FAM13A: variants seen among roughly 807,000 people sequenced by gnomAD.
The protein encoded by FAM13A is family with sequence similarity 13 member A.
A neutral mutation model predicts 129.6 loss-of-function variants in FAM13A; 76 were observed. The observed-to-expected ratio is 0.59, with a 90% CI of 0.49 to 0.71. The LOEUF is 0.71. Among genes scored for constraint, FAM13A ranks in the 30% least tolerant of loss-of-function variants. The pLI, the probability that FAM13A is intolerant of heterozygous loss-of-function variation, is 0.00. For synonymous variants in FAM13A, 443 were observed against 449.9 expected (o/e 0.98, Z 0.20); for missense variants, 1,108 against 1,249.3 (o/e 0.89, Z 1.70).
chr4:88,818,952 T>C lies in FAM13A; in HGVS notation c.1008-13900A>G, dbSNP rs139455420. ...CATCCCCATGTTATCAACGTTTACG[T>C]TGGCAAAAGGATATTCTAAAGAGCG... On this transcript the variant is annotated intron_variant, in intron 7 of 23. Coordinates refer to ENST00000264344, the MANE Select transcript of FAM13A (RefSeq NM_014883.4). 2.6e-3 allele frequency among the ~76,000 whole-genome samples: 402 copies of C among 152,314 alleles called. 2 individuals carry two copies. The highest frequency in any genetic ancestry group is 5.3e-3 in the Admixed American group (81 of 15,292).
At chr4:89,037,456 A>T (rs1035106627) in intron 1 of FAM13A, among the ~76,000 whole-genome samples, 5 of 151,946 alleles carry the variant, frequency 3.3e-5, no homozygotes, top group African/African-American at 4.8e-5. Context: ...TCTTGGAAGA[A>T]ACTAACTTGG....
In FAM13A at chr4:88,731,359, A is replaced by G. The variant is rs1183045247; in HGVS notation, c.2913T>C (p.Asp971=). The G allele has an allele frequency of 6.2e-7, 1 of 1,609,152 alleles. No homozygotes were observed. The highest frequency in any genetic ancestry group is 8.5e-7 in the Non-Finnish European group (1 of 1,179,542). Residue 971 remains aspartate, a synonymous_variant, in exon 23 of 24, where the codon GAT becomes GAC. Coordinates refer to ENST00000264344, the MANE Select transcript of FAM13A (RefSeq NM_014883.4). ...EKKRIRKKLR[D]FEDNFFRQNG... The stretch of plus-strand genomic sequence containing the variant: ...TCTGTCTGAAAAAGTTGTCTTCAAA[A>G]TCCCGAAGTTTCTTTCGAATCCTTT...
chr4:88,963,275 A>G, intron 4 of FAM13A, among the ~76,000 whole-genome samples: 1 of 151,580 alleles, frequency 6.6e-6, no homozygotes, highest in African/African-American at 2.4e-5. Context: ...CCAAAGAGAG[A>G]TTACTAAGAG....
At chr4:89,035,203 G>C (rs1303924677) in intron 1 of FAM13A, among the ~76,000 whole-genome samples, 1 of 152,006 alleles carries the variant, frequency 6.6e-6, no homozygotes, top group East Asian at 1.9e-4. Flanking sequence ...GAGAGGGAGA[G>C]GGAAAAGGGC....
At chr4:88,928,620 C>T (rs770528782) in intron 5 of FAM13A, among the ~76,000 whole-genome samples, 35 of 151,932 alleles carry the variant, frequency 2.3e-4, no homozygotes, top group Non-Finnish European at 4.4e-4. Flanking sequence ...ATAGCTACTC[C>T]TGCTTGGTTT....
intron 7 of FAM13A, among the ~76,000 whole-genome samples, chr4:88,847,228 G>C (rs1736789628): frequency 6.6e-6 from 1 of 152,132 alleles, no homozygotes; most frequent in African/African-American, 2.4e-5. Flanking sequence ...TTAGAAACTA[G>C]AAAGTTGGGC....
chr4:88,750,012 G>C (rs188972476), intron 15 of FAM13A, 103 bp from the exon 16 acceptor site: 143 of 1,252,030 alleles, frequency 1.1e-4, no homozygotes, highest in Non-Finnish European at 1.6e-4. Flanking sequence ...GTGGTGGGGT[G>C]GGGGCAGTGC....
At chr4:88,823,164 C>T in intron 7 of FAM13A, 1 of 1,485,572 alleles carries the variant, frequency 6.7e-7, no homozygotes, top group African/African-American at 1.4e-5. Context: ...GTTGGCCAGT[C>T]TACTGCTGCT....
Position 88,804,167 on chromosome 4 carries a change from T to C in FAM13A, c.1049+844A>G, listed in dbSNP as rs1418834051. 2.0e-5 allele frequency among the ~76,000 whole-genome samples: 3 copies of C among 152,136 alleles called. No individual in the cohort carries two copies. The East Asian group carries it at 5.8e-4, about 29-fold the overall frequency. ...TACTCGGGAGGCTGAGGCAGAGAATTGCTTAAACCCGGGAGGCGGAGGTTG... is the reference window on the plus strand; with the variant it reads ...TACTCGGGAGGCTGAGGCAGAGAATCGCTTAAACCCGGGAGGCGGAGGTTG... On this transcript the variant is annotated intron_variant, in intron 8 of 23. Transcript: ENST00000264344.
chr4:88,948,346 T>C (rs1756300369), intron 4 of FAM13A, among the ~76,000 whole-genome samples: 1 of 152,066 alleles, frequency 6.6e-6, no homozygotes, highest in African/African-American at 2.4e-5. Flanking sequence ...CTTATGAAGA[T>C]CAAATTCTTA....
intron 1 of FAM13A, among the ~76,000 whole-genome samples, chr4:89,048,455 C>T (rs571497964): frequency 9.2e-5 from 14 of 151,972 alleles, no homozygotes; most frequent in African/African-American, 3.4e-4. Flanking sequence ...AGTGGTTGTC[C>T]TGTGGGGGTG....
At chr4:88,786,594 C>T (rs1724011625) in intron 10 of FAM13A, among the ~76,000 whole-genome samples, 1 of 152,080 alleles carries the variant, frequency 6.6e-6, no homozygotes, top group Non-Finnish European at 1.5e-5. Flanking sequence ...ACTATTCTAT[C>T]CACCAGCTCC....
At chr4:89,016,148 T>C (rs1300165817) in intron 3 of FAM13A, among the ~76,000 whole-genome samples, 1 of 150,982 alleles carries the variant, frequency 6.6e-6, no homozygotes, top group Non-Finnish European at 1.5e-5. Context: ...TGATTCTGAC[T>C]CTGTAGGCCT....
At position 88,896,622 on chromosome 4, in the gene FAM13A, A is replaced by C. The variant is rs528240242; in HGVS notation, c.843+9757T>G. Among the ~76,000 whole-genome samples, 15 of 152,316 alleles carry C rather than the reference A, an allele frequency of 9.8e-5. 1 individual carries two copies. Among genetic ancestry groups the C allele is most frequent in the African/African-American group, 3.6e-4 (15 of 41,574 alleles). On this transcript the variant is annotated intron_variant, in intron 6 of 23. Transcript: ENST00000264344. ...ATTGAATAAAATCTCTTCTTAAATG[A>C]TTCATAGTTCCTGAAAACATTAAGC...
intron 1 of FAM13A, among the ~76,000 whole-genome samples, chr4:89,052,359 G>A (rs1330584832): frequency 2.0e-5 from 3 of 149,362 alleles, no homozygotes; most frequent in East Asian, 2.0e-4. Context: ...TGCACAATGT[G>A]CAGGTTAGTT....
chr4:88,822,346 GC>G (rs146127313), intron 7 of FAM13A, among the ~76,000 whole-genome samples: 3,982 of 151,754 alleles, frequency 0.026, 173 homozygotes, highest in African/African-American at 0.092. Context: ...TAACTCCTTC[GC>G]CTCCCCCCAG....
intron 6 of FAM13A, among the ~76,000 whole-genome samples, chr4:88,901,355 A>G (rs954390951): frequency 9.2e-5 from 14 of 152,116 alleles, no homozygotes; most frequent in African/African-American, 3.1e-4. Flanking sequence ...TCTCATCACC[A>G]CACAGCACTT....
chr4:88,772,903 G>C (rs1013401414), intron 11 of FAM13A, among the ~76,000 whole-genome samples: 2 of 152,160 alleles, frequency 1.3e-5, no homozygotes, highest in African/African-American at 4.8e-5. Context: ...GTACACAAAA[G>C]AAAGGAATCC....
At chr4:88,941,407 G>A (rs929006269) in intron 4 of FAM13A, among the ~76,000 whole-genome samples, 4 of 152,094 alleles carry the variant, frequency 2.6e-5, no homozygotes, top group Non-Finnish European at 1.5e-5. Context: ...TCCACTTTTT[G>A]TTCTTTGCTT....
Sources: allele counts gnomAD v4.1 joint callset (sites outside exome capture counted in the v4.1 genomes callset), GRCh38; gene constraint gnomAD v4.1.1; transcripts MANE v1.5; gene names NCBI Gene and HGNC (gene_info 2026-07-23, HGNC 2026-07-21).